CD8B: variants seen among roughly 807,000 people sequenced by gnomAD.
CD8B encodes the protein T-cell surface glycoprotein CD8 beta chain.
CD8B carries 6 observed loss-of-function variants against 24.2 expected under a neutral mutation model. That is an observed-to-expected ratio of 0.25 (90% CI 0.14 to 0.49). The LOEUF is 0.49. Among genes scored for constraint, CD8B ranks in the 20% least tolerant of loss-of-function variants. CD8B has a pLI of 0.98. For missense variants in CD8B, 196 were observed against 271.3 expected (o/e 0.72, Z 1.95); for synonymous variants, 84 against 108.3 (o/e 0.78, Z 1.39).
chr2:86,815,461 C>A, downstream of CD8B: 1 of 650,998 alleles, frequency 1.5e-6, no homozygotes. Flanking sequence ...CCACAGCTCA[C>A]CAGGGCAGAA....
chr2:86,860,226 C>T (rs1481249850), intron 1 of CD8B, among the ~76,000 whole-genome samples: 1 of 152,228 alleles, frequency 6.6e-6, no homozygotes, highest in Admixed American at 6.5e-5. Flanking sequence ...GCCAAGATTG[C>T]GCCACTGCAC....
intron 5 of CD8B, among the ~76,000 whole-genome samples, chr2:86,829,357 A>G (rs7425430): frequency 0.27 from 40,412 of 151,952 alleles, 5,777 homozygotes; most frequent in Non-Finnish European, 0.33. Context: ...TGCCTGTCTC[A>G]GCCTCTCAAA....
At chr2:86,822,547 A>G (rs1674522015) in intron 5 of CD8B, among the ~76,000 whole-genome samples, 1 of 152,244 alleles carries the variant, frequency 6.6e-6, no homozygotes, top group South Asian at 2.1e-4. Flanking sequence ...AGGAAAACGC[A>G]GACAGCATGC....
intron 4 of CD8B, 34 bp downstream of exon 4, chr2:86,846,650 G>A: frequency 1.8e-6 from 2 of 1,132,294 alleles, no homozygotes; most frequent in South Asian, 2.8e-5. Context: ...ACAGCAAACA[G>A]GGACACCCAA....
chr2:86,818,070 C>T (rs190402312), intron 5 of CD8B, among the ~76,000 whole-genome samples: 1,700 of 151,962 alleles, frequency 0.011, 31 homozygotes, highest in African/African-American at 0.038. Flanking sequence ...ATTAGCCGGG[C>T]GTGGTGGCGG....
At chr2:86,859,256 C>A (rs1676450120) in intron 1 of CD8B, among the ~76,000 whole-genome samples, 1 of 151,990 alleles carries the variant, frequency 6.6e-6, no homozygotes, top group East Asian at 1.9e-4. Flanking sequence ...GATCCCTATT[C>A]CCCAGTGGAA....
chr2:86,837,555 C>G (rs1413605634), downstream of CD8B, among the ~76,000 whole-genome samples: 3 of 151,028 alleles, frequency 2.0e-5, no homozygotes, highest in African/African-American at 7.3e-5. Flanking sequence ...AGACAGGGCT[C>G]TTTCTGTCTT....
intron 5 of CD8B, among the ~76,000 whole-genome samples, chr2:86,815,993 G>T (rs1282064368): frequency 6.6e-6 from 1 of 152,200 alleles, no homozygotes; most frequent in Non-Finnish European, 1.5e-5. Flanking sequence ...AGAATTACCT[G>T]CTCAGTTATT....
chr2:86,846,386 G>T (rs1675676834), intron 4 of CD8B, among the ~76,000 whole-genome samples: 1 of 152,076 alleles, frequency 6.6e-6, no homozygotes, highest in Admixed American at 6.6e-5. Flanking sequence ...AACTCTGGGA[G>T]GTAGCTAATG....
intron 1 of CD8B, among the ~76,000 whole-genome samples, 189 bp from the exon 2 acceptor site, chr2:86,858,605 G>A (rs1345833094): frequency 1.4e-5 from 2 of 138,766 alleles, no homozygotes; most frequent in Non-Finnish European, 3.1e-5. Flanking sequence ...CCTCCCAGGA[G>A]ATCATCTGGA....
chr2:86,827,802 T>C (rs1674751617), intron 5 of CD8B, among the ~76,000 whole-genome samples: 1 of 152,220 alleles, frequency 6.6e-6, no homozygotes, highest in Admixed American at 6.5e-5. Context: ...GAATTTTAAT[T>C]GCAGTTTGCT....
At chr2:86,822,041 C>T (rs990973241) in intron 5 of CD8B, among the ~76,000 whole-genome samples, 4 of 152,232 alleles carry the variant, frequency 2.6e-5, no homozygotes, top group African/African-American at 9.6e-5. Flanking sequence ...CAGCTCCCAA[C>T]AGTCCTGCCC....
downstream of CD8B, among the ~76,000 whole-genome samples, chr2:86,834,703 A>G (rs368039324): frequency 1.8e-3 from 225 of 126,188 alleles, no homozygotes; most frequent in African/African-American, 2.7e-3. Context: ...TTGGGAGGCC[A>G]AGGCAGGAGG....
intron 1 of CD8B, among the ~76,000 whole-genome samples, chr2:86,861,223 A>G (rs1276421460): frequency 6.6e-6 from 1 of 152,030 alleles, no homozygotes; most frequent in Non-Finnish European, 1.5e-5. Flanking sequence ...CAGAAGGACA[A>G]TCCAGATGCC....
chr2:86,830,140 T>G (rs1425833939), intron 5 of CD8B, among the ~76,000 whole-genome samples: 5 of 152,090 alleles, frequency 3.3e-5, no homozygotes. Context: ...CCTGGCACAC[T>G]GCAGCCTCAG....
chr2:86,847,816 T>G (rs2104555290), intron 3 of CD8B, among the ~76,000 whole-genome samples: 1 of 152,328 alleles, frequency 6.6e-6, no homozygotes, highest in African/African-American at 2.4e-5. Flanking sequence ...TCCACCCGCC[T>G]CAGCCTCCCA....
chr2:86,843,238 G>T (rs1675520569), intron 5 of CD8B: 1 of 154,464 alleles, frequency 6.5e-6, no homozygotes, highest in Admixed American at 6.6e-5. Context: ...GATTACATAG[G>T]CGCCTGCCAC....
At chr2:86,820,087 G>C (rs1012579188) in intron 5 of CD8B, among the ~76,000 whole-genome samples, 2 of 152,190 alleles carry the variant, frequency 1.3e-5, no homozygotes, top group Admixed American at 6.5e-5. Flanking sequence ...TAACACATGA[G>C]GAGTTTATTC....
At chr2:86,833,837 G>A (rs58424739), downstream of CD8B, among the ~76,000 whole-genome samples, 48,934 of 151,196 alleles carry the variant, frequency 0.32, 8,349 homozygotes, top group Non-Finnish European at 0.39. Context: ...TTTTAATAGA[G>A]ATGGGGTTTC....
Sources: gnomAD v4.1 joint callset for allele counts (sites outside exome capture counted in the v4.1 genomes callset) on GRCh38, gnomAD v4.1.1 for gene constraint, MANE v1.5 for transcripts, NCBI Gene and HGNC (gene_info 2026-07-23, HGNC 2026-07-21) for gene names.